CDK2AP1: variants seen among roughly 807,000 people sequenced by gnomAD.
CDK2AP1 encodes cyclin dependent kinase 2 associated protein 1.
Under a neutral mutation model 14.1 loss-of-function variants are expected in CDK2AP1, and 10 were observed. That is an observed-to-expected ratio of 0.71 (90% CI 0.44 to 1.20). The LOEUF is 1.20. Among genes scored for constraint, CDK2AP1 ranks in the 50% most tolerant of loss-of-function variants. CDK2AP1 has a pLI of 0.00. For synonymous variants in CDK2AP1, 59 were observed against 59.8 expected, an observed-to-expected ratio of 0.99 and a Z score of 0.06; for missense variants, 102 against 149.9, an observed-to-expected ratio of 0.68 and a Z score of 1.67.
chr12:123,268,495 C>CCCTCTCT, intron 1 of CDK2AP1, among the ~76,000 whole-genome samples: 1 of 152,394 alleles, frequency 6.6e-6, no homozygotes, highest in African/African-American at 2.4e-5. Context: ...CGGCACCTGC[C>CCCTCTCT]CCTCTCTCCG....
intron 3 of CDK2AP1, among the ~76,000 whole-genome samples, chr12:123,263,579 C>G (rs1039448688): frequency 2.0e-5 from 3 of 152,216 alleles, no homozygotes; most frequent in Non-Finnish European, 4.4e-5. Context: ...ACTCTCCAGG[C>G]GAGACCAGGG....
intron 3 of CDK2AP1, 198 bp from the exon 4 acceptor site, chr12:123,262,001 TCAC>T (rs1191053762): frequency 2.1e-5 from 10 of 483,948 alleles, no homozygotes; most frequent in African/African-American, 5.9e-5. Context: ...CCTTCCCTCC[TCAC>T]CACAACTCTT....
At chr12:123,264,153 C>G (rs1221393505) in intron 3 of CDK2AP1, among the ~76,000 whole-genome samples, 1 of 150,764 alleles carries the variant, frequency 6.6e-6, no homozygotes, top group African/African-American at 2.4e-5. Flanking sequence ...GCTTCTCCAG[C>G]CTTTTTAAGA....
chr12:123,269,521 C>G (rs899639589), intron 1 of CDK2AP1, among the ~76,000 whole-genome samples: 2 of 152,234 alleles, frequency 1.3e-5, no homozygotes, highest in Admixed American at 6.5e-5. Context: ...AAGGCCGTCT[C>G]GGCGCATCTC....
At position 123,263,210 on chromosome 12, in the gene CDK2AP1, CA is replaced by C. The variant is rs1322793114; in HGVS notation, c.281-1408del. On this transcript the variant is annotated intron_variant, in intron 3 of 3. Transcript: ENST00000261692. ...TGGGTGATAGAGCGAGACTCTGTCT[CA>C]AAAAAAAAAAAAAAACAAAAAAAAA... 1.6e-3 allele frequency among the ~76,000 whole-genome samples: 112 copies of C among 72,054 alleles called. 1 individual carries two copies. The highest frequency in any genetic ancestry group is 3.4e-3 in the Admixed American group (25 of 7,360). The allele number at this position is 72,054 out of a possible 152,430, so 47.3% of individuals were successfully genotyped here. A position where few individuals can be genotyped will look rare whatever the true frequency, so the allele number is the denominator to read the frequency against.
chr12:123,261,867 G>A, intron 3 of CDK2AP1, 64 bp from the exon 4 acceptor site: 2 of 1,072,112 alleles, frequency 1.9e-6, no homozygotes, highest in South Asian at 2.5e-5. Context: ...AGCCCATTCT[G>A]AAACAGCAAG....
rs2048231228 is a variant in CDK2AP1, at chr12:123,261,394, A to G, written c.*342T>C. 1.3e-5 allele frequency: 3 copies of G among 235,376 alleles called. No individual in the cohort carries two copies. The highest frequency in any genetic ancestry group is 5.2e-5 in the Admixed American group (1 of 19,056). The allele number at this position is 235,376 out of a possible 1,614,324, so 14.6% of individuals were successfully genotyped here. ...CTTATGAAAAGGAACAAAGAACACCATGGGTAACAAATGTATACAAAAGAG... is the reference window on the plus strand; with the variant it reads ...CTTATGAAAAGGAACAAAGAACACCGTGGGTAACAAATGTATACAAAAGAG... On this transcript the variant is annotated 3_prime_UTR_variant, in exon 4 of 4. Coordinates refer to ENST00000261692, the MANE Select transcript of CDK2AP1 (RefSeq NM_004642.4).
At position 123,261,589 on chromosome 12, in the gene CDK2AP1, G is replaced by C; in HGVS notation, c.*147C>G. Reference sequence around the variant, plus strand: ...TGCAAAATCTTTTCTCAATCTTTGAGACTGTAGGTTCAGAGCCAAGTGAAC... The same window carrying C: ...TGCAAAATCTTTTCTCAATCTTTGACACTGTAGGTTCAGAGCCAAGTGAAC... On this transcript the variant is annotated 3_prime_UTR_variant, in exon 4 of 4. Transcript: ENST00000261692. The C allele has an allele frequency of 1.6e-6, 1 of 606,840 alleles. No individual in the cohort carries two copies. The highest frequency in any genetic ancestry group is 2.9e-6 in the Non-Finnish European group (1 of 341,522). 37.6% of individuals were successfully genotyped at this position (606,840 alleles called of 1,614,324 possible). A position where few individuals can be genotyped will look rare whatever the true frequency, so the allele number is the denominator to read the frequency against.
Position 123,267,232 on chromosome 12 carries a change from G to T in CDK2AP1, c.106C>A (p.Arg36Ser). 1 of 1,613,292 alleles carries T rather than the reference G, an allele frequency of 6.2e-7. No individual in the cohort carries two copies. The change falls in exon 2 of 4, where the codon CGC becomes AGC. Residue 36 changes from arginine (R) to serine (S), a missense_variant. Coordinates refer to ENST00000261692, the MANE Select transcript of CDK2AP1 (RefSeq NM_004642.4). ...GGCCCGTAGTCACTGAGCAGCTGGCGGTACTGTGAAGACGTTGCCATGCTG... is the reference window on the plus strand; with the variant it reads ...GGCCCGTAGTCACTGAGCAGCTGGCTGTACTGTGAAGACGTTGCCATGCTG... ...STSMATSSQYRQLLSDYGPPS... is the reference protein window; with the variant it reads ...STSMATSSQYSQLLSDYGPPS...
At position 123,265,326 on chromosome 12, in the gene CDK2AP1, G is replaced by A; in HGVS notation, c.154-4C>T. 12 of 1,614,004 alleles carry A rather than the reference G, an allele frequency of 7.4e-6. No individual in the cohort carries two copies. The highest frequency in any genetic ancestry group is 1.0e-5 in the Non-Finnish European group (12 of 1,179,972). ...GCACCTGGCTGTTCCCAGTTCCCTAGAATCAGAAAGAAATGGGTTCAGCAA... is the reference window on the plus strand; with the variant it reads ...GCACCTGGCTGTTCCCAGTTCCCTAAAATCAGAAAGAAATGGGTTCAGCAA... On this transcript the variant is annotated splice_region_variant and splice_polypyrimidine_tract_variant and intron_variant, in intron 2 of 3. Transcript: ENST00000261692. This position sits in a 1 kb window ranked among gnomAD's most constrained non-coding sequence, Gnocchi z 5.3.
intron 3 of CDK2AP1, among the ~76,000 whole-genome samples, chr12:123,263,227 CA>C (rs1050949603): frequency 7.1e-5 from 10 of 141,834 alleles, no homozygotes; most frequent in Non-Finnish European, 1.4e-4. Flanking sequence ...AAAAAAAAAA[CA>C]AAAAAAAACC....
In CDK2AP1 at chr12:123,271,685, AGGCCGGGCGGT is replaced by A. The variant is rs1176787648; in HGVS notation, c.-78_-68del. On this transcript the variant is annotated 5_prime_UTR_variant, in exon 1 of 4. Transcript: ENST00000261692. ...CGCGAGGGCGGCGGCGGCGGCGGCG[AGGCCGGGCGGT>A]AGCGCTGCAGCCCCGCGCCCGTCCG... 1.6e-6 allele frequency: 1 copy of A among 611,638 alleles called. No individual in the cohort carries two copies. Among genetic ancestry groups the A allele is most frequent in the East Asian group, 1.5e-4 (1 of 6,808 alleles). The allele number at this position is 611,638 out of a possible 1,614,324, so 37.9% of individuals were successfully genotyped here.
Position 123,267,294 on chromosome 12 carries a change from G to A in CDK2AP1, c.56-12C>T, listed in dbSNP as rs750335373. ...GTGGACACTCCCAGCTGTGGGGTGG[G>A]GAGAGAGAGGCCAGGAGTCAGCTCA... On this transcript the variant is annotated splice_polypyrimidine_tract_variant and intron_variant, in intron 1 of 3. Coordinates refer to ENST00000261692, the MANE Select transcript of CDK2AP1 (RefSeq NM_004642.4). The A allele has an allele frequency of 1.9e-6, 3 of 1,560,928 alleles. No individual in the cohort carries two copies. The highest frequency in any genetic ancestry group is 3.3e-5 in the Admixed American group (2 of 59,898).
intron 1 of CDK2AP1, chr12:123,270,754 TGCATCGAGG>T: frequency 1.2e-6 from 1 of 852,250 alleles, no homozygotes; most frequent in Non-Finnish European, 1.4e-6. Context: ...TCCCGGCTTC[TGCATCGAGG>T]GCCTTCCAGG....
chr12:123,266,706 G>A (rs967904499), intron 2 of CDK2AP1, among the ~76,000 whole-genome samples: 7 of 152,194 alleles, frequency 4.6e-5, no homozygotes, highest in South Asian at 2.1e-4. Flanking sequence ...ACCAGGGAGC[G>A]GCCTCGCCCA....
Position 123,265,370 on chromosome 12 carries a change from G to C in CDK2AP1, c.154-48C>G. 1 of 1,599,870 alleles carries C rather than the reference G, an allele frequency of 6.3e-7. No individual in the cohort carries two copies. The highest frequency in any genetic ancestry group is 8.6e-7 in the Non-Finnish European group (1 of 1,167,784). Reference sequence around the variant, plus strand: ...TCAGCAAAATCAGCCGGGCGTGGTGGTGCGTGCCTGTAGTCCCAGTTACTC... The same window carrying C: ...TCAGCAAAATCAGCCGGGCGTGGTGCTGCGTGCCTGTAGTCCCAGTTACTC... On this transcript the variant is annotated intron_variant, in intron 2 of 3. Coordinates refer to ENST00000261692, the MANE Select transcript of CDK2AP1 (RefSeq NM_004642.4). The surrounding 1 kb of genome is among the most constrained non-coding windows in gnomAD (Gnocchi z 5.3).
Position 123,264,462 on chromosome 12 carries a change from C to CAAAA in CDK2AP1, c.280+730_280+733dup, listed in dbSNP as rs1167157405. 3.4e-3 allele frequency among the ~76,000 whole-genome samples: 235 copies of CAAAA among 69,822 alleles called. 4 individuals carry two copies. Among genetic ancestry groups the CAAAA allele is most frequent in the South Asian group, 8.2e-3 (14 of 1,698 alleles). The allele number at this position is 69,822 out of a possible 152,430, so 45.8% of individuals were successfully genotyped here. On this transcript the variant is annotated intron_variant, in intron 3 of 3. Coordinates refer to ENST00000261692, the MANE Select transcript of CDK2AP1 (RefSeq NM_004642.4). ...GCAACAAGAGTAAAACTCCGTCTCCCAAAAAAAAAAAAAAAAAAAAAAAAA... is the reference window on the plus strand; with the variant it reads ...GCAACAAGAGTAAAACTCCGTCTCCCAAAAAAAAAAAAAAAAAAAAAAAAAAAAA...
At chr12:123,263,491 G>C (rs2048255095) in intron 3 of CDK2AP1, among the ~76,000 whole-genome samples, 1 of 152,070 alleles carries the variant, frequency 6.6e-6, no homozygotes, top group Non-Finnish European at 1.5e-5. Flanking sequence ...TTGGACTCTG[G>C]GACCCAGCAT....
At chr12:123,271,938 G>A (rs1227398108), upstream of CDK2AP1, 1 of 146,652 alleles carries the variant, frequency 6.8e-6, no homozygotes, top group Non-Finnish European at 1.5e-5. Context: ...CGCGCCCCGC[G>A]CCTCCGGGTG....
Sources: gnomAD v4.1 joint callset for allele counts (sites outside exome capture counted in the v4.1 genomes callset) on GRCh38, gnomAD v4.1.1 for gene constraint, Gnocchi (gnomAD v3.1) non-coding constraint, MANE v1.5 for transcripts, NCBI Gene and HGNC (gene_info 2026-07-23, HGNC 2026-07-21) for gene names.